ERI3: variants seen among roughly 807,000 people sequenced by gnomAD.
ERI3 encodes ERI1 exoribonuclease family member 3.
Under a neutral mutation model 44.4 loss-of-function variants are expected in ERI3, and 18 were observed. That is an observed-to-expected ratio of 0.41 (90% CI 0.28 to 0.60). The LOEUF is 0.60. Among genes scored for constraint, ERI3 ranks in the 20% least tolerant of loss-of-function variants. ERI3 has a pLI of 0.36. For synonymous variants in ERI3, 183 were observed against 164.8 expected, an observed-to-expected ratio of 1.11 and a Z score of -0.84; for missense variants, 294 against 435.5, an observed-to-expected ratio of 0.68 and a Z score of 2.89.
intron 7 of ERI3, among the ~76,000 whole-genome samples, chr1:44,279,737 T>A (rs139237083): frequency 6.6e-6 from 1 of 152,360 alleles, no homozygotes; most frequent in African/African-American, 2.4e-5. Flanking sequence ...GGGGTCATCA[T>A]GGTCTCTTCC....
intron 2 of ERI3, among the ~76,000 whole-genome samples, chr1:44,349,571 G>A (rs1263152825): frequency 1.3e-5 from 2 of 152,166 alleles, no homozygotes; most frequent in African/African-American, 4.8e-5. Context: ...ACCACAAGCA[G>A]CTATCTTTTT....
chr1:44,298,169 T>C (rs904417507), intron 6 of ERI3, among the ~76,000 whole-genome samples: 9 of 152,216 alleles, frequency 5.9e-5, no homozygotes, highest in Admixed American at 2.0e-4. Context: ...GCTGTATCCT[T>C]AATACCTAGA....
At chr1:44,328,546 A>T (rs555626941) in intron 3 of ERI3, among the ~76,000 whole-genome samples, 1 of 152,298 alleles carries the variant, frequency 6.6e-6, no homozygotes, top group African/African-American at 2.4e-5. Context: ...CTCAGACTTC[A>T]AATGACCTGA....
intron 7 of ERI3, among the ~76,000 whole-genome samples, chr1:44,268,565 A>T (rs1414872990): frequency 6.6e-6 from 1 of 152,210 alleles, no homozygotes; most frequent in Non-Finnish European, 1.5e-5. Flanking sequence ...AGCCATCCAG[A>T]TCAGCCCTGA....
chr1:44,296,486 T>A (rs325157), intron 6 of ERI3, among the ~76,000 whole-genome samples: 151,453 of 152,294 alleles, frequency 0.99, 75,312 homozygotes, highest in Middle Eastern at 1. Context: ...GAATGGACAA[T>A]GTCGACTTAC....
intron 3 of ERI3, among the ~76,000 whole-genome samples, chr1:44,333,008 A>G (rs1646462341): frequency 6.6e-6 from 1 of 152,240 alleles, no homozygotes; most frequent in African/African-American, 2.4e-5. Flanking sequence ...AAAGGCAATA[A>G]TTGCTCTGAT....
In ERI3 at chr1:44,315,691, TCCTCAA is replaced by T. The variant is rs1313260839; in HGVS notation, c.607-2469_607-2464del. 2.0e-4 allele frequency among the ~76,000 whole-genome samples: 31 copies of T among 152,318 alleles called. 1 individual carries two copies. The South Asian group carries it at 5.8e-3, about 28-fold the overall frequency. On this transcript the variant is annotated intron_variant, in intron 4 of 8. Coordinates refer to ENST00000372257, the MANE Select transcript of ERI3 (RefSeq NM_024066.3). Reference sequence around the variant, plus strand: ...AGTAAAGCATGGCTCACAGCTGAGCTCCTCAAGGATTTGCATTTAGCCCCCAGAGAC... The same window carrying T: ...AGTAAAGCATGGCTCACAGCTGAGCTGGATTTGCATTTAGCCCCCAGAGAC...
At chr1:44,354,533 C>T in intron 1 of ERI3, 1 of 985,422 alleles carries the variant, frequency 1.0e-6, no homozygotes, top group Non-Finnish European at 1.2e-6. Context: ...ACTACTACCA[C>T]CGCTTCAGAT....
intron 8 of ERI3, chr1:44,244,158 G>A (rs574474387): frequency 5.2e-5 from 8 of 152,864 alleles, no homozygotes; most frequent in African/African-American, 1.9e-4. Flanking sequence ...CCCTCCCTCA[G>A]AGCCTGTGGT....
chr1:44,281,816 T>C (rs565883365), intron 7 of ERI3, among the ~76,000 whole-genome samples: 1 of 151,456 alleles, frequency 6.6e-6, no homozygotes, highest in East Asian at 1.9e-4. Flanking sequence ...CAATTTGGAG[T>C]ATACTCACTT....
At chr1:44,270,051 G>A (rs575878599) in intron 7 of ERI3, among the ~76,000 whole-genome samples, 1 of 152,302 alleles carries the variant, frequency 6.6e-6, no homozygotes, top group East Asian at 1.9e-4. Flanking sequence ...GCAGGACTGT[G>A]CTTCTGGCCT....
intron 6 of ERI3, among the ~76,000 whole-genome samples, chr1:44,299,935 T>TAG (rs1645688512): frequency 6.6e-6 from 1 of 152,002 alleles, no homozygotes; most frequent in East Asian, 1.9e-4. Context: ...GCCACCAACA[T>TAG]AGGATCCAAT....
intron 6 of ERI3, 131 bp downstream of exon 6, chr1:44,308,179 A>G (rs1295274803): frequency 6.9e-6 from 5 of 720,184 alleles, no homozygotes; most frequent in South Asian, 6.8e-5. Context: ...ACCGTCTTCT[A>G]TCCCTGATAG....
At chr1:44,324,180 C>A (rs1257575182) in intron 3 of ERI3, among the ~76,000 whole-genome samples, 8 of 152,180 alleles carry the variant, frequency 5.3e-5, no homozygotes. Flanking sequence ...TGTGTAATCA[C>A]ATGAAAGGGC....
At chr1:44,333,905 A>C (rs1435219918) in intron 3 of ERI3, among the ~76,000 whole-genome samples, 1 of 152,212 alleles carries the variant, frequency 6.6e-6, no homozygotes, top group South Asian at 2.1e-4. Context: ...CAAAATGCAG[A>C]TGGACTCTCT....
intron 4 of ERI3, 93 bp from the exon 5 acceptor site, chr1:44,313,321 TG>T (rs1008102135): frequency 8.3e-7 from 1 of 1,206,456 alleles, no homozygotes. Context: ...TTTCTCCTTC[TG>T]TTGTAAAGGG....
rs114822650 is a variant in ERI3, at chr1:44,343,432, C to T, written c.212-4110G>A. ...AATAATGGGATAAATCAAAATCACACGACGAGAAGAACAAAGCATCATTTC... is the reference window on the plus strand; with the variant it reads ...AATAATGGGATAAATCAAAATCACATGACGAGAAGAACAAAGCATCATTTC... On this transcript the variant is annotated intron_variant, in intron 2 of 8. Transcript: ENST00000372257. Among the ~76,000 whole-genome samples, 689 of 152,240 alleles carry T rather than the reference C, an allele frequency of 4.5e-3. 4 individuals are homozygous for T. The highest frequency in any genetic ancestry group is 0.016 in the African/African-American group (658 of 41,542).
chr1:44,286,526 A>G (rs1645397458), intron 6 of ERI3, among the ~76,000 whole-genome samples: 1 of 152,140 alleles, frequency 6.6e-6, no homozygotes, highest in Non-Finnish European at 1.5e-5. Context: ...AAGCCAGGAG[A>G]GTAAATAAGA....
intron 3 of ERI3, among the ~76,000 whole-genome samples, chr1:44,324,275 G>A (rs1646261265): frequency 6.6e-6 from 1 of 152,116 alleles, no homozygotes; most frequent in Admixed American, 6.6e-5. Context: ...GAAATGATCT[G>A]CCTAAGATGT....
Sources: allele counts gnomAD v4.1 joint callset (sites outside exome capture counted in the v4.1 genomes callset), GRCh38; gene constraint gnomAD v4.1.1; transcripts MANE v1.5; gene names NCBI Gene and HGNC (gene_info 2026-07-23, HGNC 2026-07-21).